Variants in LOC128462377 observed in about 807,000 individuals in gnomAD.
At chr16:89,324,553 A>G in the LOC128462377 span, 1 of 455,714 alleles carries the variant, frequency 2.2e-6, no homozygotes, top group South Asian at 1.5e-5. Context: ...GGACGGGGAG[A>G]GGCCGACGAA....
At chr16:89,408,931 G>T in the LOC128462377 span, among the ~76,000 whole-genome samples, 3 of 152,218 alleles carry the variant, frequency 2.0e-5, no homozygotes, top group Admixed American at 6.5e-5. Context: ...GGAAATACAA[G>T]TGAACAGGCC....
the LOC128462377 span, among the ~76,000 whole-genome samples, chr16:89,330,894 C>G: frequency 6.6e-6 from 1 of 152,118 alleles, no homozygotes; most frequent in Non-Finnish European, 1.5e-5. Flanking sequence ...CTGTACAGTT[C>G]TAGTTAGTGC....
chr16:89,344,686 C>T, the LOC128462377 span, among the ~76,000 whole-genome samples: 17 of 152,226 alleles, frequency 1.1e-4, no homozygotes, highest in Non-Finnish European at 1.5e-4. Context: ...TGGGAGCTGC[C>T]GACACCTTCA....
chr16:89,328,956 C>T, the LOC128462377 span: 1 of 134,506 alleles, frequency 7.4e-6, no homozygotes, highest in Non-Finnish European at 1.6e-5. Context: ...GGAGCACGGG[C>T]GAAATCAGTG....
the LOC128462377 span, among the ~76,000 whole-genome samples, chr16:89,331,811 G>C: frequency 6.6e-6 from 1 of 152,162 alleles, no homozygotes; most frequent in African/African-American, 2.4e-5. Context: ...TTTTCATTTA[G>C]TCTAAGATAC....
At chr16:89,375,462 C>G in the LOC128462377 span, among the ~76,000 whole-genome samples, 20 of 12,964 alleles carry the variant, frequency 1.5e-3, no homozygotes, top group Non-Finnish European at 1.2e-3. Flanking sequence ...AAGACTCTAT[C>G]TCTTTTTTTT....
the LOC128462377 span, among the ~76,000 whole-genome samples, chr16:89,381,354 A>AGCGG: frequency 8.0e-6 from 1 of 125,346 alleles, no homozygotes; most frequent in Non-Finnish European, 1.6e-5. Context: ...AAAAAAAAAA[A>AGCGG]GGGGTGAGAA....
the LOC128462377 span, among the ~76,000 whole-genome samples, chr16:89,407,852 C>CAAAAAAAA: frequency 9.0e-6 from 1 of 111,440 alleles, no homozygotes; most frequent in African/African-American, 3.3e-5. Context: ...TGTCTCCCTC[C>CAAAAAAAA]AAAAAAAAAA....
At chr16:89,317,752 T>C in the LOC128462377 span, among the ~76,000 whole-genome samples, 1 of 152,154 alleles carries the variant, frequency 6.6e-6, no homozygotes, top group East Asian at 1.9e-4. Flanking sequence ...GTATTAATTG[T>C]ATATTATTTT....
chr16:89,333,069 G>A, the LOC128462377 span, among the ~76,000 whole-genome samples: 1 of 152,144 alleles, frequency 6.6e-6, no homozygotes, highest in Non-Finnish European at 1.5e-5. Context: ...CCCCTGTGGG[G>A]CATGCAGAAA....
At chr16:89,355,608 A>G in the LOC128462377 span, among the ~76,000 whole-genome samples, 1 of 152,294 alleles carries the variant, frequency 6.6e-6, no homozygotes, top group East Asian at 1.9e-4. Context: ...AATAGACTGA[A>G]ATGTCACAGT....
At chr16:89,349,684 A>C in the LOC128462377 span, among the ~76,000 whole-genome samples, 1 of 152,200 alleles carries the variant, frequency 6.6e-6, no homozygotes, top group Admixed American at 6.5e-5. Context: ...ACTGAAAACT[A>C]TGTATCTTGT....
chr16:89,357,991 T>G, the LOC128462377 span, among the ~76,000 whole-genome samples: 15 of 152,366 alleles, frequency 9.8e-5, no homozygotes, highest in Admixed American at 1.3e-4. Flanking sequence ...CTGAAATCAA[T>G]CTCTTCAAAT....
the LOC128462377 span, among the ~76,000 whole-genome samples, chr16:89,408,459 C>T: frequency 2.8e-4 from 43 of 152,352 alleles, no homozygotes; most frequent in Admixed American, 1.3e-3. Context: ...TCACCCTGAC[C>T]CTGAGCGTGG....
At chr16:89,401,133 G>C in the LOC128462377 span, among the ~76,000 whole-genome samples, 1 of 124,834 alleles carries the variant, frequency 8.0e-6, no homozygotes, top group Non-Finnish European at 1.5e-5. Flanking sequence ...TTGTTCTGCT[G>C]CTCAGGCTGG....
At chr16:89,352,128 T>C in the LOC128462377 span, among the ~76,000 whole-genome samples, 1 of 152,084 alleles carries the variant, frequency 6.6e-6, no homozygotes, top group Non-Finnish European at 1.5e-5. Flanking sequence ...TGACCTCAAG[T>C]GATCCGCCTG....
the LOC128462377 span, among the ~76,000 whole-genome samples, chr16:89,378,557 A>G: frequency 6.6e-6 from 1 of 152,250 alleles, no homozygotes; most frequent in Non-Finnish European, 1.5e-5. Context: ...GGCTACAGAT[A>G]CAGCAGGCTG....
the LOC128462377 span, among the ~76,000 whole-genome samples, chr16:89,396,860 T>C: frequency 2.0e-5 from 3 of 152,182 alleles, no homozygotes; most frequent in East Asian, 1.9e-4. Flanking sequence ...CTAATTTTTA[T>C]ATTTTTAGTA....
chr16:89,393,672 C>A, the LOC128462377 span, among the ~76,000 whole-genome samples: 4 of 151,864 alleles, frequency 2.6e-5, no homozygotes, highest in Admixed American at 2.6e-4. Flanking sequence ...TAATCACGTC[C>A]ACCTCAGAGG....
Sources: allele counts gnomAD v4.1 joint callset (sites outside exome capture counted in the v4.1 genomes callset), GRCh38; gene constraint gnomAD v4.1.1; transcripts MANE v1.5.